The following NCKAP5 variants were observed in gnomAD, a reference collection of about 807,000 sequenced individuals.
NCKAP5 encodes the protein NCK associated protein 5, also known as nck-associated protein 5.
A neutral mutation model predicts 167.0 loss-of-function variants in NCKAP5; 92 were observed. The observed-to-expected ratio is 0.55, with a 90% confidence interval of 0.47 to 0.66. NCKAP5 has a LOEUF of 0.66. NCKAP5 is among the 30% of genes least tolerant of loss of function. NCKAP5 has a pLI of 0.00. For missense variants in NCKAP5, 2,378 were observed against 2,315.0 expected, an observed-to-expected ratio of 1.03 and a Z score of -0.56; for synonymous variants, 891 against 877.4, an observed-to-expected ratio of 1.02 and a Z score of -0.27.
At chr2:133,527,721 T>G (rs575667814) in intron 2 of NCKAP5, among the ~76,000 whole-genome samples, 14 of 152,266 alleles carry the variant, frequency 9.2e-5, no homozygotes, top group African/African-American at 3.4e-4. Flanking sequence ...TTAATTAAAT[T>G]GAGACTGATA....
chr2:133,391,381 C>G (rs1026093357), intron 3 of NCKAP5: 4 of 154,960 alleles, frequency 2.6e-5, no homozygotes, highest in Admixed American at 6.5e-5. Flanking sequence ...ATATCACAGC[C>G]AGATCACCCT....
chr2:132,927,881 T>C (rs1696037380), intron 8 of NCKAP5, among the ~76,000 whole-genome samples: 1 of 152,176 alleles, frequency 6.6e-6, no homozygotes, highest in African/African-American at 2.4e-5. Flanking sequence ...GTTCTCCTTC[T>C]ATACCTTCTA....
intron 4 of NCKAP5, among the ~76,000 whole-genome samples, chr2:133,239,718 T>C (rs2087592481): frequency 6.6e-6 from 1 of 152,226 alleles, no homozygotes; most frequent in African/African-American, 2.4e-5. Context: ...GAAACTAAAG[T>C]AGGTTAAATA....
At chr2:133,637,110 G>C in the NCKAP5 span, among the ~76,000 whole-genome samples, 1 of 151,654 alleles carries the variant, frequency 6.6e-6, no homozygotes, top group African/African-American at 2.4e-5. Context: ...TTGTTTATCT[G>C]AAAATCAAAT....
At chr2:133,230,988 C>T (rs571246655) in intron 4 of NCKAP5, among the ~76,000 whole-genome samples, 1 of 152,170 alleles carries the variant, frequency 6.6e-6, no homozygotes, top group African/African-American at 2.4e-5. Flanking sequence ...TGCTGCCAAC[C>T]ATTCCAAATA....
At chr2:133,442,585 A>G (rs530065661) in intron 3 of NCKAP5, among the ~76,000 whole-genome samples, 1 of 152,206 alleles carries the variant, frequency 6.6e-6, no homozygotes, top group South Asian at 2.1e-4. Context: ...CTGCCTCCTA[A>G]TTGATGGTTC....
chr2:133,281,855 C>T (rs957807865), intron 4 of NCKAP5, among the ~76,000 whole-genome samples: 2 of 152,192 alleles, frequency 1.3e-5, no homozygotes, highest in African/African-American at 4.8e-5. Context: ...AAACCACCAT[C>T]TTGAGAGCTG....
intron 4 of NCKAP5, among the ~76,000 whole-genome samples, chr2:133,289,728 A>AC (rs35304116): frequency 1.3e-4 from 13 of 99,510 alleles, no homozygotes; most frequent in African/African-American, 2.9e-4. Flanking sequence ...CAAACAAACA[A>AC]AAAAAAACAG....
chr2:133,610,402 C>T, the NCKAP5 span, among the ~76,000 whole-genome samples: 2 of 152,116 alleles, frequency 1.3e-5, no homozygotes, highest in Non-Finnish European at 2.9e-5. Context: ...GAAGAAGAAG[C>T]TTGGGGAGAC....
rs143985066 is a variant in NCKAP5 at position 133,338,547 on chromosome 2, T to A, written c.70-35437A>T. 1.4e-3 allele frequency among the ~76,000 whole-genome samples: 207 copies of A among 152,332 alleles called. 1 individual carries two copies. The highest frequency in any genetic ancestry group is 4.7e-3 in the African/African-American group (197 of 41,578). ...CAAAAATAATACAATGAGTATCAGGTTCTTTTTTGGTACATAAGAAGACAG... is the reference window on the plus strand; with the variant it reads ...CAAAAATAATACAATGAGTATCAGGATCTTTTTTGGTACATAAGAAGACAG... On this transcript the variant is annotated intron_variant, in intron 3 of 19. Transcript: ENST00000409261.
chr2:132,820,561 T>C (rs1686654425), intron 11 of NCKAP5, among the ~76,000 whole-genome samples: 1 of 152,042 alleles, frequency 6.6e-6, no homozygotes, highest in Admixed American at 6.6e-5. Flanking sequence ...TTTGTTTTTT[T>C]TAAATATAGG....
chr2:133,655,950 G>T, the NCKAP5 span, among the ~76,000 whole-genome samples: 4 of 152,134 alleles, frequency 2.6e-5, no homozygotes, highest in Non-Finnish European at 5.9e-5. Flanking sequence ...AATAATCTAG[G>T]CTCTGAGATT....
At chr2:133,228,253 C>A (rs550750280) in intron 4 of NCKAP5, among the ~76,000 whole-genome samples, 2 of 152,292 alleles carry the variant, frequency 1.3e-5, no homozygotes, top group South Asian at 4.1e-4. Flanking sequence ...TTCTACTATA[C>A]CATCCTTTCT....
chr2:133,330,605 G>T (rs1682789572), intron 3 of NCKAP5, among the ~76,000 whole-genome samples: 1 of 151,986 alleles, frequency 6.6e-6, no homozygotes, highest in Non-Finnish European at 1.5e-5. Flanking sequence ...AAAAAATATT[G>T]AGGGCCAGGC....
chr2:133,645,668 A>G, the NCKAP5 span, among the ~76,000 whole-genome samples: 1 of 152,150 alleles, frequency 6.6e-6, no homozygotes, highest in African/African-American at 2.4e-5. Flanking sequence ...TAAGTATTAA[A>G]TAATAAAATT....
chr2:133,440,917 T>C (rs1300679388), intron 3 of NCKAP5, among the ~76,000 whole-genome samples: 3 of 152,106 alleles, frequency 2.0e-5, no homozygotes, highest in Non-Finnish European at 2.9e-5. Context: ...TTCAGTATTA[T>C]TAAGGATGAA....
At chr2:132,825,720 T>TA (rs1687079137) in intron 11 of NCKAP5, among the ~76,000 whole-genome samples, 1 of 152,220 alleles carries the variant, frequency 6.6e-6, no homozygotes, top group Non-Finnish European at 1.5e-5. Context: ...TCCCTGGTCT[T>TA]ACTGTGAGAT....
Position 133,221,772 on chromosome 2 carries a change from A to T in NCKAP5, c.144-7993T>A, listed in dbSNP as rs2086671681. ...TTTTTCAATTTCAGACTTTTCAGCA[A>T]CAAATTACATAGGAGAACAGATCTG... is the stretch of plus-strand genomic sequence containing the variant. On this transcript the variant is annotated intron_variant, in intron 4 of 19. Coordinates refer to ENST00000409261, the MANE Select transcript of NCKAP5 (RefSeq NM_207363.3). Among the ~76,000 whole-genome samples, 3 of 152,206 alleles carry T rather than the reference A, an allele frequency of 2.0e-5. No homozygotes were observed. The South Asian group carries it at 6.2e-4, about 32-fold the overall frequency.
At chr2:133,454,707 T>C (rs1691740853) in intron 3 of NCKAP5, among the ~76,000 whole-genome samples, 1 of 152,088 alleles carries the variant, frequency 6.6e-6, no homozygotes, top group African/African-American at 2.4e-5. Context: ...GGTTCAACAT[T>C]TCAAGGCTAT....
Sources: allele counts gnomAD v4.1 joint callset (sites outside exome capture counted in the v4.1 genomes callset), GRCh38; gene constraint gnomAD v4.1.1; transcripts MANE v1.5; gene names NCBI Gene and HGNC (gene_info 2026-07-23, HGNC 2026-07-21).